The following LRRC18 variants were observed in gnomAD, a reference collection of about 807,000 sequenced individuals.
The protein encoded by LRRC18 is leucine-rich repeat-containing protein 18.
Under a neutral mutation model 11.2 loss-of-function variants are expected in LRRC18, and 12 were observed. The observed-to-expected ratio is 1.07, with a 90% CI of 0.69 to 1.74. The LOEUF (loss-of-function observed/expected upper bound fraction) is 1.74, where lower values mean the gene tolerates loss of function less well. LRRC18 is among the 40% of genes most tolerant of loss of function. The probability of loss-of-function intolerance (pLI) is 0.00; values close to 1 mark genes in which losing one functional copy is unlikely to be tolerated. For synonymous variants in LRRC18, 155 were observed against 130.6 expected (o/e 1.19, Z -1.27); for missense variants, 374 against 330.5 (o/e 1.13, Z -1.02).
At chr10:48,927,323 C>T in the LRRC18 span, among the ~76,000 whole-genome samples, 1 of 152,150 alleles carries the variant, frequency 6.6e-6, no homozygotes, top group African/African-American at 2.4e-5. Flanking sequence ...CCATTTCAGT[C>T]ATCCGCAACA....
the LRRC18 span, among the ~76,000 whole-genome samples, chr10:48,925,721 G>A: frequency 6.6e-6 from 1 of 152,146 alleles, no homozygotes; most frequent in African/African-American, 2.4e-5. Context: ...ATGATGGCAG[G>A]AGAGATGCAG....
chr10:48,922,479 A>C, the LRRC18 span, among the ~76,000 whole-genome samples: 1 of 152,254 alleles, frequency 6.6e-6, no homozygotes, highest in African/African-American at 2.4e-5. Flanking sequence ...CATCTACAGC[A>C]AGAATGAATC....
exon 1 of LRRC18, chr10:48,914,025 T>A: frequency 6.2e-7 from 1 of 1,614,184 alleles, no homozygotes; most frequent in Non-Finnish European, 8.5e-7. Flanking sequence ...CAGAATACAC[T>A]TGGGGAAGGT....
chr10:48,929,458 G>T, the LRRC18 span, among the ~76,000 whole-genome samples: 1 of 152,140 alleles, frequency 6.6e-6, no homozygotes, highest in Non-Finnish European at 1.5e-5. Context: ...AAATAGCCCA[G>T]CATGGGAGGA....
At chr10:48,929,373 A>G in the LRRC18 span, among the ~76,000 whole-genome samples, 3 of 152,192 alleles carry the variant, frequency 2.0e-5, no homozygotes, top group Non-Finnish European at 4.4e-5. Context: ...AATAGCCTCT[A>G]GGCTCCAGCA....
At chr10:48,923,512 A>G in the LRRC18 span, among the ~76,000 whole-genome samples, 2 of 146,386 alleles carry the variant, frequency 1.4e-5, 1 homozygote, top group Non-Finnish European at 3.0e-5. Context: ...ATATATATAT[A>G]TGTCCCAAAT....
chr10:48,920,071 C>T, the LRRC18 span, among the ~76,000 whole-genome samples: 1 of 151,912 alleles, frequency 6.6e-6, no homozygotes, highest in Non-Finnish European at 1.5e-5. Context: ...CCCAAACTTA[C>T]TCAATACTTG....
chr10:48,916,460 G>T (rs560882816), upstream of LRRC18, among the ~76,000 whole-genome samples: 2 of 152,328 alleles, frequency 1.3e-5, no homozygotes, highest in South Asian at 4.1e-4. Context: ...CAGGCATCTA[G>T]AAGCTGGAAG....
the LRRC18 span, among the ~76,000 whole-genome samples, chr10:48,932,282 C>T: frequency 6.6e-6 from 1 of 152,166 alleles, no homozygotes; most frequent in Non-Finnish European, 1.5e-5. Flanking sequence ...CCATCACCTC[C>T]CTCAAACCAG....
chr10:48,918,263 T>C (rs1250051182), upstream of LRRC18, among the ~76,000 whole-genome samples: 1 of 152,184 alleles, frequency 6.6e-6, no homozygotes, highest in Non-Finnish European at 1.5e-5. Context: ...GTGACCTACA[T>C]GCTCCAATTA....
At chr10:48,930,220 T>C in the LRRC18 span, among the ~76,000 whole-genome samples, 1 of 152,226 alleles carries the variant, frequency 6.6e-6, no homozygotes, top group Non-Finnish European at 1.5e-5. Context: ...GAGAGTCAGC[T>C]GCTACATAAT....
chr10:48,913,906 A>G, exon 1 of LRRC18: 1 of 1,614,100 alleles, frequency 6.2e-7, no homozygotes, highest in Non-Finnish European at 8.5e-7. Context: ...TTGTCTATGT[A>G]GTTGCTGTGC....
chr10:48,910,194 A>ATT, exon 2 of LRRC18: 1 of 894,132 alleles, frequency 1.1e-6, no homozygotes, highest in Non-Finnish European at 1.8e-6. Flanking sequence ...AGAGTCGTTT[A>ATT]TTCTGTTAGC....
the LRRC18 span, among the ~76,000 whole-genome samples, chr10:48,922,950 C>T: frequency 6.6e-6 from 1 of 152,110 alleles, no homozygotes; most frequent in African/African-American, 2.4e-5. Flanking sequence ...ACTGCCTGCA[C>T]CCTGACAGTG....
upstream of LRRC18, among the ~76,000 whole-genome samples, chr10:48,915,306 G>A (rs1838413978): frequency 1.3e-5 from 2 of 152,152 alleles, no homozygotes; most frequent in Non-Finnish European, 2.9e-5. Flanking sequence ...TAGCGAGACT[G>A]AGGCTCAGAA....
chr10:48,921,977 G>A, the LRRC18 span, among the ~76,000 whole-genome samples: 1,477 of 152,180 alleles, frequency 9.7e-3, 23 homozygotes, highest in African/African-American at 0.034. Context: ...ATTTACCCTA[G>A]AAAAGTAAAA....
At chr10:48,922,015 C>T in the LRRC18 span, among the ~76,000 whole-genome samples, 1 of 152,174 alleles carries the variant, frequency 6.6e-6, no homozygotes, top group African/African-American at 2.4e-5. Context: ...AACCTGTTCA[C>T]AGGTATTTAT....
chr10:48,913,838 G>A, exon 1 of LRRC18: 6 of 1,614,104 alleles, frequency 3.7e-6, no homozygotes, highest in Non-Finnish European at 5.1e-6. Flanking sequence ...TGGTCAGCCG[G>A]TTGTTGCTGA....
chr10:48,931,767 T>C, the LRRC18 span, among the ~76,000 whole-genome samples: 2 of 152,284 alleles, frequency 1.3e-5, no homozygotes, highest in Admixed American at 6.5e-5. Flanking sequence ...TCCTGGAATC[T>C]TCATGAGGTT....
Sources: gnomAD v4.1 joint callset for allele counts (sites outside exome capture counted in the v4.1 genomes callset) on GRCh38, gnomAD v4.1.1 for gene constraint, MANE v1.5 for transcripts, NCBI Gene and HGNC (gene_info 2026-07-23, HGNC 2026-07-21) for gene names.